Variants in CHD6 observed in about 807,000 individuals in gnomAD.
The protein encoded by CHD6 is ATP-dependent chromatin remodeler CHD6.
Under a neutral mutation model 276.9 loss-of-function variants are expected in CHD6, and 50 were observed. That is an observed-to-expected ratio of 0.18 (90% CI 0.14 to 0.23). The LOEUF (loss-of-function observed/expected upper bound fraction) is 0.23, where lower values mean the gene tolerates loss of function less well. Ranked by LOEUF, CHD6 falls within the 10% of genes least tolerant of loss-of-function variation. The probability of loss-of-function intolerance (pLI) is 1.00; values close to 1 mark genes in which losing one functional copy is unlikely to be tolerated. For missense variants in CHD6, 2,564 were observed against 3,365.8 expected (o/e 0.76, Z 5.89); for synonymous variants, 1,173 against 1,229.3 (o/e 0.95, Z 0.96).
intron 5 of CHD6, among the ~76,000 whole-genome samples, chr20:41,508,672 G>A (rs1297703381): frequency 6.6e-6 from 1 of 152,150 alleles, no homozygotes; most frequent in Non-Finnish European, 1.5e-5. Context: ...GCTGACAGAA[G>A]CCTTATGATG....
At chr20:41,549,788 G>T (rs2045116934) in intron 2 of CHD6, among the ~76,000 whole-genome samples, 1 of 152,034 alleles carries the variant, frequency 6.6e-6, no homozygotes, top group African/African-American at 2.4e-5. Context: ...AGTTTTGAGG[G>T]TCTGGGGTTC....
At chr20:41,545,784 C>T (rs140736946) in intron 2 of CHD6, among the ~76,000 whole-genome samples, 22 of 152,244 alleles carry the variant, frequency 1.4e-4, no homozygotes, top group South Asian at 4.2e-4. Context: ...CTTCCCACCA[C>T]GTCTTTCAAC....
chr20:41,554,615 G>A (rs960136141), intron 1 of CHD6, among the ~76,000 whole-genome samples: 2 of 151,084 alleles, frequency 1.3e-5, no homozygotes, highest in Non-Finnish European at 3.0e-5. Context: ...CTGCCTTCAA[G>A]CATCTGTTTA....
chr20:41,536,044 G>C (rs1366819308), intron 2 of CHD6, among the ~76,000 whole-genome samples: 2 of 150,194 alleles, frequency 1.3e-5, no homozygotes, highest in African/African-American at 4.9e-5. Flanking sequence ...AAACATATTT[G>C]CTGAAGATTA....
intron 14 of CHD6, among the ~76,000 whole-genome samples, chr20:41,486,441 G>GA (rs2043416076): frequency 6.6e-6 from 1 of 152,156 alleles, no homozygotes; most frequent in South Asian, 2.1e-4. Context: ...GCTGGCTTTT[G>GA]AAAATCAATA....
chr20:41,565,118 T>C (rs1175579448), intron 1 of CHD6, among the ~76,000 whole-genome samples: 1 of 150,810 alleles, frequency 6.6e-6, no homozygotes, highest in Non-Finnish European at 1.5e-5. Flanking sequence ...TTTTTTGAGA[T>C]AGAGATTCAC....
At chr20:41,484,795 T>C (rs927036543) in intron 14 of CHD6, among the ~76,000 whole-genome samples, 188 bp from the exon 15 acceptor site, 4 of 152,136 alleles carry the variant, frequency 2.6e-5, no homozygotes, top group Admixed American at 6.6e-5. Flanking sequence ...ATAAGGGATA[T>C]GATTTTAATT....
chr20:41,465,121 T>C (rs1226382876), intron 17 of CHD6, among the ~76,000 whole-genome samples: 3 of 152,150 alleles, frequency 2.0e-5, no homozygotes, highest in Non-Finnish European at 2.9e-5. Flanking sequence ...AATAATTTAC[T>C]GAAAGCAAGA....
At chr20:41,555,937 G>A (rs978226966) in intron 1 of CHD6, among the ~76,000 whole-genome samples, 4 of 152,194 alleles carry the variant, frequency 2.6e-5, no homozygotes, top group Non-Finnish European at 5.9e-5. Flanking sequence ...CCGAGATCAC[G>A]CCACTGCACT....
intron 23 of CHD6, among the ~76,000 whole-genome samples, chr20:41,449,274 C>T (rs2048166032): frequency 6.6e-6 from 1 of 152,168 alleles, no homozygotes; most frequent in Admixed American, 6.5e-5. Flanking sequence ...ACTGCCAATC[C>T]TTAATTTGTA....
Position 41,437,311 on chromosome 20 carries a change from T to C in CHD6, c.4031A>G (p.Asn1344Ser). 1.2e-6 allele frequency: 2 copies of C among 1,613,712 alleles called. No individual in the cohort carries two copies. Among genetic ancestry groups the C allele is most frequent in the East Asian group, 2.2e-5 (1 of 44,860 alleles). The change falls in exon 27 of 37, where the codon AAT becomes AGT. Residue 1344 changes from asparagine (N) to serine (S), a missense_variant. This residue lies in a region of CHD6 where 515 missense variants were observed against 739.5 expected (regional missense o/e 0.70). Transcript: ENST00000373233. ...GAGGCCATCTACTTTGTCCTCAGCATTGTCTTCTTTATCTGTGTTGCCTCT... is the reference window on the plus strand; with the variant it reads ...GAGGCCATCTACTTTGTCCTCAGCACTGTCTTCTTTATCTGTGTTGCCTCT... ...PERGNTDKED[N>S]AEDKVDGLQK...
At chr20:41,484,738 A>G (rs1038141497) in intron 14 of CHD6, 131 bp from the exon 15 acceptor site, 7 of 916,932 alleles carry the variant, frequency 7.6e-6, no homozygotes, top group African/African-American at 1.7e-5. Context: ...AAGAAAGATT[A>G]TGATCGACCC....
intron 17 of CHD6, among the ~76,000 whole-genome samples, chr20:41,464,832 G>T (rs942114311): frequency 6.6e-6 from 1 of 152,152 alleles, no homozygotes; most frequent in African/African-American, 2.4e-5. Flanking sequence ...CACGAAAAAT[G>T]TAACATGGAC....
intron 1 of CHD6, among the ~76,000 whole-genome samples, chr20:41,551,701 G>C (rs1374916328): frequency 6.6e-6 from 1 of 152,188 alleles, no homozygotes; most frequent in African/African-American, 2.4e-5. Flanking sequence ...AGATGGGAAG[G>C]AAGTAAGGTA....
At chr20:41,423,395 T>C (rs2145484031) in intron 30 of CHD6, 97 bp downstream of exon 30, 1 of 1,144,492 alleles carries the variant, frequency 8.7e-7, no homozygotes, top group East Asian at 2.4e-5. Flanking sequence ...TCATGTAGAC[T>C]CTAGTTTTTA....
intron 14 of CHD6, 81 bp downstream of exon 14, chr20:41,487,584 C>CG: frequency 7.3e-7 from 1 of 1,375,022 alleles, no homozygotes; most frequent in Non-Finnish European, 9.9e-7. Context: ...CTTGCTAAAT[C>CG]CTGGCCCCAT....
chr20:41,535,398 A>G (rs542872064), intron 2 of CHD6, among the ~76,000 whole-genome samples: 5 of 152,336 alleles, frequency 3.3e-5, no homozygotes, highest in African/African-American at 9.6e-5. Flanking sequence ...AAGATTAGTG[A>G]TGTTAATTGA....
At chr20:41,594,348 G>A (rs943173785) in intron 1 of CHD6, among the ~76,000 whole-genome samples, 3 of 152,206 alleles carry the variant, frequency 2.0e-5, no homozygotes, top group Non-Finnish European at 4.4e-5. Flanking sequence ...TTCCCAAAGT[G>A]ATGTTTTTGG....
At chr20:41,581,240 G>A (rs1405737020) in intron 1 of CHD6, among the ~76,000 whole-genome samples, 3 of 152,118 alleles carry the variant, frequency 2.0e-5, no homozygotes, top group Non-Finnish European at 2.9e-5. Context: ...TATAGATGAG[G>A]ACATTGAAGC....
Sources: gnomAD v4.1 joint callset for allele counts (sites outside exome capture counted in the v4.1 genomes callset) on GRCh38, gnomAD v4.1.1 for gene constraint, gnomAD v4.1.1 regional missense constraint, MANE v1.5 for transcripts, NCBI Gene and HGNC (gene_info 2026-07-23, HGNC 2026-07-21) for gene names.